Variants in IQCK observed in about 807,000 individuals in gnomAD.
IQCK encodes IQ motif containing K.
IQCK carries 29 observed loss-of-function variants against 28.1 expected under a neutral mutation model. The ratio of observed to expected loss-of-function variants is 1.03; its 90% CI spans 0.77 to 1.41. The LOEUF (loss-of-function observed/expected upper bound fraction) is 1.41. Among genes scored for constraint, IQCK ranks in the 40% most tolerant of loss-of-function variants. The pLI is 0.00. For synonymous variants in IQCK, 113 were observed against 115.1 expected, an observed-to-expected ratio of 0.98 and a Z score of 0.12; for missense variants, 359 against 314.7, an observed-to-expected ratio of 1.14 and a Z score of -1.07.
intron 1 of IQCK, among the ~76,000 whole-genome samples, chr16:19,724,682 C>G (rs11865114): frequency 0.019 from 2,815 of 152,134 alleles, 73 homozygotes; most frequent in African/African-American, 0.064. Flanking sequence ...GTGCCCGCCA[C>G]CACACCCGGC....
chr16:19,760,142 A>G (rs1001359203), intron 4 of IQCK, among the ~76,000 whole-genome samples: 1 of 152,182 alleles, frequency 6.6e-6, no homozygotes, highest in African/African-American at 2.4e-5. Flanking sequence ...TAAAAAATAT[A>G]TAATTTTTTA....
At chr16:19,728,283 C>G (rs143195985) in intron 1 of IQCK, among the ~76,000 whole-genome samples, 224 of 152,264 alleles carry the variant, frequency 1.5e-3, no homozygotes, top group Non-Finnish European at 2.4e-3. Flanking sequence ...GAGTCTCACT[C>G]TGTCACCCAG....
chr16:19,758,572 G>T (rs1221521083), intron 4 of IQCK, among the ~76,000 whole-genome samples: 2 of 152,146 alleles, frequency 1.3e-5, no homozygotes, highest in Non-Finnish European at 2.9e-5. Context: ...TCCTACAATT[G>T]CCAGATTGTT....
At chr16:19,822,437 G>GATA (rs1302125065) in intron 7 of IQCK, among the ~76,000 whole-genome samples, 1 of 151,388 alleles carries the variant, frequency 6.6e-6, no homozygotes, top group Non-Finnish European at 1.5e-5. Flanking sequence ...GTGATGAATG[G>GATA]ATAAAAATAA....
intron 9 of IQCK, among the ~76,000 whole-genome samples, chr16:19,838,411 C>A (rs1037982842): frequency 2.6e-5 from 4 of 152,160 alleles, no homozygotes; most frequent in Non-Finnish European, 5.9e-5. Flanking sequence ...AGTTTGATCA[C>A]ATGTTTGAGA....
chr16:19,833,378 T>C (rs549586927), intron 9 of IQCK, among the ~76,000 whole-genome samples: 67 of 152,308 alleles, frequency 4.4e-4, no homozygotes, highest in Non-Finnish European at 4.1e-4. Context: ...TAATACATTA[T>C]GCAATGTGAA....
intron 2 of IQCK, among the ~76,000 whole-genome samples, chr16:19,733,299 G>A (rs1413221546): frequency 6.6e-6 from 1 of 151,978 alleles, no homozygotes; most frequent in Non-Finnish European, 1.5e-5. Context: ...CACCACGCCT[G>A]GCTACTTTTT....
chr16:19,835,730 G>A (rs914400584), intron 9 of IQCK, among the ~76,000 whole-genome samples: 9 of 151,860 alleles, frequency 5.9e-5, no homozygotes, highest in African/African-American at 1.9e-4. Context: ...GATTATAGGC[G>A]AGTGCCACCA....
chr16:19,725,414 C>A (rs753773233), intron 1 of IQCK, among the ~76,000 whole-genome samples: 3 of 152,116 alleles, frequency 2.0e-5, no homozygotes, highest in Non-Finnish European at 4.4e-5. Flanking sequence ...CCAGGCTGCT[C>A]TTGAACTCCC....
At chr16:19,780,661 A>G (rs1358090008) in intron 6 of IQCK, among the ~76,000 whole-genome samples, 2 of 152,192 alleles carry the variant, frequency 1.3e-5, no homozygotes, top group Non-Finnish European at 2.9e-5. Context: ...ATGAATGTGG[A>G]CAACAAACCT....
At chr16:19,819,305 C>T in intron 7 of IQCK, among the ~76,000 whole-genome samples, 1 of 151,880 alleles carries the variant, frequency 6.6e-6, no homozygotes, top group South Asian at 2.1e-4. Flanking sequence ...CGAGCCTGGC[C>T]AACATAGTGA....
chr16:19,752,097 T>C (rs1019232792), intron 4 of IQCK, among the ~76,000 whole-genome samples: 7 of 137,528 alleles, frequency 5.1e-5, no homozygotes, highest in Admixed American at 4.8e-4. Flanking sequence ...AAATTAAGTC[T>C]GAGATGTGTA....
intron 2 of IQCK, among the ~76,000 whole-genome samples, chr16:19,732,592 C>T (rs1977875697): frequency 6.6e-6 from 1 of 152,208 alleles, no homozygotes; most frequent in Admixed American, 6.5e-5. Flanking sequence ...TCCCAAAGTA[C>T]TGGGACTACA....
intron 9 of IQCK, 137 bp from the exon 9 acceptor site, chr16:19,856,350 C>A (rs6497413): frequency 6.0e-6 from 4 of 672,074 alleles, no homozygotes; most frequent in South Asian, 1.9e-5. Context: ...TCCATGGGGC[C>A]GGAACCATGA....
At chr16:19,745,280 T>C (rs2054895205) in intron 4 of IQCK, among the ~76,000 whole-genome samples, 1 of 152,182 alleles carries the variant, frequency 6.6e-6, no homozygotes, top group Non-Finnish European at 1.5e-5. Flanking sequence ...ATTCTTTCTT[T>C]AATGTGGCAC....
chr16:19,743,564 C>T (rs1229743702), intron 4 of IQCK, among the ~76,000 whole-genome samples: 1 of 152,214 alleles, frequency 6.6e-6, no homozygotes, highest in South Asian at 2.1e-4. Context: ...CTCATTTAAT[C>T]CTCCCAACAA....
intron 9 of IQCK, among the ~76,000 whole-genome samples, chr16:19,838,274 G>C (rs1446537412): frequency 1.3e-5 from 2 of 152,208 alleles, no homozygotes; most frequent in Non-Finnish European, 2.9e-5. Context: ...GATCACTGGG[G>C]GAGGCAGAGA....
intron 4 of IQCK, among the ~76,000 whole-genome samples, chr16:19,760,753 C>T (rs1375200779): frequency 6.6e-6 from 1 of 151,972 alleles, no homozygotes; most frequent in Non-Finnish European, 1.5e-5. Flanking sequence ...AAATTCAGGG[C>T]AAGTCCGTAA....
Position 19,753,227 on chromosome 16 carries a change from T to C in IQCK, c.475-10621T>C, listed in dbSNP as rs1465201419. Among the ~76,000 whole-genome samples the C allele has an allele frequency of 3.4e-5, 5 of 147,390 alleles. No homozygotes were observed. In the East Asian group the frequency reaches 6.0e-4, roughly 18 times the overall value. On this transcript the variant is annotated intron_variant, in intron 4 of 7. Coordinates refer to ENST00000564186, the Ensembl canonical transcript of IQCK. ...ACCCAGGAGACCAGCCTGGGCAACA[T>C]AGCAAAACCCCTATCTCTACAAAAA...
Sources: allele counts gnomAD v4.1 joint callset (sites outside exome capture counted in the v4.1 genomes callset), GRCh38; gene constraint gnomAD v4.1.1; transcripts MANE v1.5; gene names NCBI Gene and HGNC (gene_info 2026-07-23, HGNC 2026-07-21).